The following HAVCR2 variants were observed in gnomAD, a reference collection of about 807,000 sequenced individuals.
The protein encoded by HAVCR2 is T cell immunoglobulin mucin 3.
Under a neutral mutation model 24.7 loss-of-function variants are expected in HAVCR2, and 13 were observed. The ratio of observed to expected loss-of-function variants is 0.53; its 90% CI spans 0.34 to 0.84. HAVCR2 has a LOEUF of 0.84. Ranked by LOEUF, HAVCR2 falls within the 40% of genes least tolerant of loss-of-function variation. The probability of loss-of-function intolerance (pLI) is 0.01; values close to 1 mark genes in which losing one functional copy is unlikely to be tolerated. For missense variants in HAVCR2, 343 were observed against 371.2 expected (o/e 0.92, Z 0.62); for synonymous variants, 154 against 143.4 (o/e 1.07, Z -0.53).
chr5:157,099,099 A>C (rs113522048), intron 3 of HAVCR2, among the ~76,000 whole-genome samples, 198 bp from the exon 4 acceptor site: 2 of 152,184 alleles, frequency 1.3e-5, no homozygotes, highest in African/African-American at 2.4e-5. Context: ...CAACTTTAGG[A>C]TGGCCACATT....
intron 5 of HAVCR2, among the ~76,000 whole-genome samples, chr5:157,092,726 G>A (rs527898516): frequency 8.6e-5 from 13 of 151,712 alleles, no homozygotes; most frequent in African/African-American, 2.4e-4. Context: ...GATTACAGGC[G>A]TAAGCCACCG....
In HAVCR2 at chr5:157,085,874, G is replaced by A. The variant is rs1756904662; in HGVS notation, c.*1228C>T. The A allele has an allele frequency of 6.6e-6, 1 of 152,164 alleles. No homozygotes were observed. The highest frequency in any genetic ancestry group is 2.4e-5 in the African/African-American group (1 of 41,438). The allele number at this position is 152,164 out of a possible 1,614,324, so 9.4% of individuals were successfully genotyped here. On this transcript the variant is annotated 3_prime_UTR_variant, in exon 7 of 7. Transcript: ENST00000307851. Reference sequence around the variant, plus strand: ...TTTAGTAAGTTCCAATTGTGTGTCAGAATTGTGCTAGGCGCAGGGGGCAAC... The same window carrying A: ...TTTAGTAAGTTCCAATTGTGTGTCAAAATTGTGCTAGGCGCAGGGGGCAAC...
chr5:157,106,931 G>A lies in HAVCR2; in HGVS notation c.90C>T (p.Val30=), dbSNP rs555868248. ...RSSEVEYRAE[V]GQNAYLPCFY... ...AGCAGGGCAGATAGGCATTCTGACC[G>A]ACCTCCGCTCTGTATTCCACTTCTG... Residue 30 remains valine (V), a synonymous_variant, in exon 2 of 7, where the codon GTC becomes GTT. Coordinates refer to ENST00000307851, the MANE Select transcript of HAVCR2 (RefSeq NM_032782.5). 73 of 1,613,870 alleles carry A rather than the reference G, an allele frequency of 4.5e-5. No homozygotes were observed. The highest frequency in any genetic ancestry group is 7.7e-5 in the South Asian group (7 of 91,040).
intron 4 of HAVCR2, among the ~76,000 whole-genome samples, chr5:157,096,631 G>A (rs1316133570): frequency 3.3e-5 from 5 of 152,010 alleles, no homozygotes; most frequent in Admixed American, 2.6e-4. Flanking sequence ...ACAAAAATTA[G>A]CCAGGTGTGG....
chr5:157,101,478 C>T (rs968902810), intron 3 of HAVCR2, among the ~76,000 whole-genome samples: 1 of 152,172 alleles, frequency 6.6e-6, no homozygotes, highest in Non-Finnish European at 1.5e-5. Flanking sequence ...TATTAGGTGC[C>T]AGACATGGTG....
chr5:157,095,146 A>T (rs1423619182), intron 5 of HAVCR2, among the ~76,000 whole-genome samples, 160 bp downstream of exon 5: 1 of 152,208 alleles, frequency 6.6e-6, no homozygotes, highest in African/African-American at 2.4e-5. Context: ...AATAAATATT[A>T]AATAAAAATT....
Position 157,095,431 on chromosome 5 carries a change from C to T in HAVCR2, c.551G>A (p.Arg184Gln), listed in dbSNP as rs776936723. 19 of 1,613,800 alleles carry T rather than the reference C, an allele frequency of 1.2e-5. No homozygotes were observed. The highest frequency in any genetic ancestry group is 8.3e-5 in the Admixed American group (5 of 59,972). ...TQISTLANEL[R>Q]DSRLANDLRD... ...TAAGTCATTGGCCAATCTAGAGTCCCGTAACTCATTGGCCAATGTGGATAT... is the reference window on the plus strand; with the variant it reads ...TAAGTCATTGGCCAATCTAGAGTCCTGTAACTCATTGGCCAATGTGGATAT... Residue 184 changes from arginine to glutamine, a missense_variant, in exon 5 of 7, where the codon CGG becomes CAG. Arg to Gln is a conservative substitution (Grantham distance 43). Transcript: ENST00000307851.
At chr5:157,100,690 A>G (rs1206270160) in intron 3 of HAVCR2, among the ~76,000 whole-genome samples, 1 of 152,252 alleles carries the variant, frequency 6.6e-6, no homozygotes, top group Non-Finnish European at 1.5e-5. Context: ...ATGCTGGTTT[A>G]GCAAACTATA....
chr5:157,095,277 C>T, intron 5 of HAVCR2, 29 bp downstream of exon 5: 1 of 1,607,726 alleles, frequency 6.2e-7, no homozygotes, highest in Non-Finnish European at 8.5e-7. Flanking sequence ...AATTTGTTAT[C>T]AGAGGGAGAG....
At chr5:157,092,207 T>C (rs943616144) in intron 5 of HAVCR2, among the ~76,000 whole-genome samples, 53 of 150,560 alleles carry the variant, frequency 3.5e-4, no homozygotes, top group African/African-American at 1.3e-3. Flanking sequence ...ATATATATAA[T>C]AGTAAAGCTC....
In HAVCR2 at chr5:157,095,299, C is replaced by A. The variant is rs1476316266; in HGVS notation, c.676+7G>T. ...TATCAGAGGGAGAGAGAAACAAAAA[C>A]ACTTACATTTGAAAATTAAAGCGCC... On this transcript the variant is annotated splice_region_variant and intron_variant, in intron 5 of 6. Coordinates refer to ENST00000307851, the MANE Select transcript of HAVCR2 (RefSeq NM_032782.5). 6.2e-7 allele frequency: 1 copy of A among 1,612,810 alleles called. No individual in the cohort carries two copies. The highest frequency in any genetic ancestry group is 8.5e-7 in the Non-Finnish European group (1 of 1,179,604).
Position 157,095,395 on chromosome 5 carries a change from C to G in HAVCR2, c.587G>C (p.Gly196Ala). The change falls in exon 5 of 7, where the codon GGA becomes GCA. Residue 196 changes from glycine (G) to alanine (A), a missense_variant. Transcript: ENST00000307851. ...SRLANDLRDS[G>A]ATIRIGIYIG... ...GTAGATGCCTATTCTGATGGTTGCT[C>G]CAGAGTCCCGTAAGTCATTGGCCAA... 1 of 1,614,084 alleles carries G rather than the reference C, an allele frequency of 6.2e-7. No individual in the cohort carries two copies. Among genetic ancestry groups the G allele is most frequent in the Non-Finnish European group, 8.5e-7 (1 of 1,179,996 alleles).
In HAVCR2 at chr5:157,106,924, T is replaced by C; in HGVS notation, c.97A>G (p.Asn33Asp). The C allele has an allele frequency of 6.2e-7, 1 of 1,614,036 alleles. No individual in the cohort carries two copies. Among genetic ancestry groups the C allele is most frequent in the Non-Finnish European group, 8.5e-7 (1 of 1,179,974 alleles). ...EVEYRAEVGQNAYLPCFYTPA... is the reference protein window; with the variant it reads ...EVEYRAEVGQDAYLPCFYTPA... ...GTGTAGAAGCAGGGCAGATAGGCAT[T>C]CTGACCGACCTCCGCTCTGTATTCC... The change falls in exon 2 of 7, where the codon AAT (asparagine) becomes GAT (aspartate). Residue 33 changes from asparagine (N) to aspartate (D), a missense_variant. Transcript: ENST00000307851.
chr5:157,106,757 G>C lies in HAVCR2; in HGVS notation c.264C>G (p.Phe88Leu). 6.2e-7 allele frequency: 1 copy of C among 1,614,184 alleles called. No individual in the cohort carries two copies. The highest frequency in any genetic ancestry group is 1.1e-5 in the South Asian group (1 of 91,086). The change falls in exon 2 of 7, where the codon TTC becomes TTG. Residue 88 changes from phenylalanine to leucine, a missense_variant. Phe to Leu is a conservative substitution (Grantham distance 22). Coordinates refer to ENST00000307851, the MANE Select transcript of HAVCR2 (RefSeq NM_032782.5). ...TGGTCAGGGACACATCTCCTTTGCGGAAATCCCCATTTAGCCAGTATCTGG... is the reference window on the plus strand; with the variant it reads ...TGGTCAGGGACACATCTCCTTTGCGCAAATCCCCATTTAGCCAGTATCTGG... ...WTSRYWLNGD[F>L]RKGDVSLTIE...
At chr5:157,090,709 C>T (rs746922569) in intron 5 of HAVCR2, among the ~76,000 whole-genome samples, 12 of 151,820 alleles carry the variant, frequency 7.9e-5, no homozygotes, top group Non-Finnish European at 1.2e-4. Context: ...ATATTGGATT[C>T]GAAGGAGGAA....
chr5:157,094,642 C>CA (rs1384180069), intron 5 of HAVCR2, among the ~76,000 whole-genome samples: 3 of 151,540 alleles, frequency 2.0e-5, no homozygotes, highest in Non-Finnish European at 4.4e-5. Context: ...CTCAGCCTCC[C>CA]AAAGTGCTGG....
intron 1 of HAVCR2, 105 bp downstream of exon 1, chr5:157,108,821 A>C (rs1182888475): frequency 4.7e-6 from 5 of 1,062,506 alleles, no homozygotes; most frequent in Non-Finnish European, 6.9e-6. Context: ...GTTGCTTCCA[A>C]GCTTTTGCTA....
At chr5:157,107,861 C>G (rs546941729) in intron 1 of HAVCR2, among the ~76,000 whole-genome samples, 2 of 60,794 alleles carry the variant, frequency 3.3e-5, no homozygotes, top group South Asian at 7.2e-4. Flanking sequence ...TTTCCTCTGC[C>G]CCCCCCCCTT....
chr5:157,087,357 G>A (rs1372797689), intron 6 of HAVCR2, 63 bp from the exon 7 acceptor site: 3 of 1,394,794 alleles, frequency 2.2e-6, no homozygotes, highest in Non-Finnish European at 2.9e-6. Flanking sequence ...ATAGAGTTAA[G>A]AGAATAGGCT....
Sources: allele counts gnomAD v4.1 joint callset (sites outside exome capture counted in the v4.1 genomes callset), GRCh38; gene constraint gnomAD v4.1.1; transcripts MANE v1.5; gene names NCBI Gene and HGNC (gene_info 2026-07-23, HGNC 2026-07-21).